Variants in ZNF292 observed in about 807,000 individuals in gnomAD.
ZNF292 encodes zinc finger protein 292.
A neutral mutation model predicts 217.9 loss-of-function variants in ZNF292; 26 were observed. The observed-to-expected ratio is 0.12, with a 90% CI of 0.09 to 0.17. The LOEUF (loss-of-function observed/expected upper bound fraction) is 0.17. ZNF292 is among the 10% of genes least tolerant of loss of function. The pLI is 1.00. For synonymous variants in ZNF292, 1,257 were observed against 1,124.1 expected, an observed-to-expected ratio of 1.12 and a Z score of -2.37; for missense variants, 2,904 against 3,175.2, an observed-to-expected ratio of 0.91 and a Z score of 2.05.
Position 87,261,125 on chromosome 6 carries a change from G to C in ZNF292, c.7496G>C (p.Ser2499Thr), listed in dbSNP as rs745862873. Residue 2499 changes from serine to threonine, a missense_variant, in exon 8 of 8, where the codon AGT becomes ACT. This residue lies in a region of ZNF292 where 380 missense variants were observed against 355.3 expected (regional missense o/e 1.07). Coordinates refer to ENST00000369577, the MANE Select transcript of ZNF292 (RefSeq NM_015021.3). The part of the protein sequence containing the change: ...ITKLINEDST[S>T]VETQANTSSN... ...AAATTAATAAATGAAGATAGCACAA[G>C]TGTAGAGACCCAAGCTAATACTTCT... The C allele has an allele frequency of 1.2e-6, 2 of 1,612,780 alleles. No individual in the cohort carries two copies. Among genetic ancestry groups the C allele is most frequent in the Admixed American group, 1.7e-5 (1 of 59,844 alleles).
At chr6:87,191,286 T>TA (rs11311792) in intron 1 of ZNF292, among the ~76,000 whole-genome samples, 12 of 150,838 alleles carry the variant, frequency 8.0e-5, no homozygotes, top group East Asian at 7.8e-4. Context: ...CTGATGAGCT[T>TA]AAAAAAAAAA....
chr6:87,246,077 A>G (rs1030080877), intron 7 of ZNF292, among the ~76,000 whole-genome samples: 1 of 152,150 alleles, frequency 6.6e-6, no homozygotes, highest in Non-Finnish European at 1.5e-5. Flanking sequence ...CTAAAAATAC[A>G]AAAATTAGCC....
chr6:87,229,296 G>A (rs1428841666), intron 4 of ZNF292, among the ~76,000 whole-genome samples: 2 of 152,044 alleles, frequency 1.3e-5, no homozygotes. Flanking sequence ...TTTATTAGTT[G>A]CAGTAGTTTT....
chr6:87,243,603 C>A lies in ZNF292; in HGVS notation c.870C>A (p.Tyr290Ter), dbSNP rs867732475. Residue 290 changes from tyrosine to a stop codon, truncating the protein, a stop_gained, in exon 6 of 8, where the codon TAC (tyrosine) becomes TAA (stop). Coordinates refer to ENST00000369577, the MANE Select transcript of ZNF292 (RefSeq NM_015021.3). LOFTEE classifies it high-confidence loss of function. ...GTCAGCTCCAACAAGGAGATATGTA[C>A]TGCGCTTGGTGAGTTGATCTTTTTT... ...LSRQLQQGDM[Y>*]CAWELTLFWS... 1.3e-6 allele frequency: 2 copies of A among 1,501,462 alleles called. No homozygotes were observed. The highest frequency in any genetic ancestry group is 2.7e-5 in the South Asian group (2 of 72,918). 93.0% of individuals were successfully genotyped at this position (1,501,462 alleles called of 1,614,324 possible).
chr6:87,214,959 T>C (rs1476543324), intron 1 of ZNF292: 1 of 146,392 alleles, frequency 6.8e-6, no homozygotes, highest in Non-Finnish European at 1.5e-5. Context: ...ATACAGGCCC[T>C]CAGGAAATTT....
At position 87,255,210 on chromosome 6, in the gene ZNF292, G is replaced by A. The variant is rs756149334; in HGVS notation, c.1581G>A (p.Arg527=). ...KKREIKQLRE[R]GFISARFRNW... ...GAGAGATAAAACAGTTAAGAGAGAG[G>A]GGATTTATATCTGCTCGGTTTAGGA... is the stretch of plus-strand genomic sequence containing the variant. The change falls in exon 8 of 8, where the codon AGG becomes AGA. Residue 527 remains arginine, a synonymous_variant. Coordinates refer to ENST00000369577, the MANE Select transcript of ZNF292 (RefSeq NM_015021.3). The A allele has an allele frequency of 3.7e-6, 6 of 1,613,780 alleles. No homozygotes were observed. The highest frequency in any genetic ancestry group is 5.1e-6 in the Non-Finnish European group (6 of 1,179,832).
chr6:87,232,072 T>G (rs1773684138), intron 4 of ZNF292, among the ~76,000 whole-genome samples: 1 of 152,246 alleles, frequency 6.6e-6, no homozygotes, highest in African/African-American at 2.4e-5. Flanking sequence ...ATATGCTTTA[T>G]TTATCTGTGC....
chr6:87,254,116 A>G (rs533631450), intron 7 of ZNF292, among the ~76,000 whole-genome samples: 1 of 152,166 alleles, frequency 6.6e-6, no homozygotes, highest in Non-Finnish European at 1.5e-5. Context: ...GAAGCAAACT[A>G]TTTCTTTCAG....
intron 1 of ZNF292, among the ~76,000 whole-genome samples, chr6:87,195,294 A>G (rs571475534): frequency 3.9e-5 from 6 of 152,368 alleles, no homozygotes; most frequent in Admixed American, 1.3e-4. Flanking sequence ...ACAGAAAAGT[A>G]TATTAGTAGA....
intron 1 of ZNF292, among the ~76,000 whole-genome samples, chr6:87,182,446 C>G (rs1372018758): frequency 6.6e-6 from 1 of 151,986 alleles, no homozygotes; most frequent in African/African-American, 2.4e-5. Flanking sequence ...AAAAATTTCC[C>G]CAAGTAGGAG....
intron 1 of ZNF292, among the ~76,000 whole-genome samples, chr6:87,214,481 G>A (rs1772643125): frequency 6.6e-6 from 1 of 152,122 alleles, no homozygotes; most frequent in African/African-American, 2.4e-5. Flanking sequence ...GAGCAAATTT[G>A]TTTCAGGGTT....
At chr6:87,192,594 A>T (rs934546463) in intron 1 of ZNF292, among the ~76,000 whole-genome samples, 1 of 152,192 alleles carries the variant, frequency 6.6e-6, no homozygotes, top group Non-Finnish European at 1.5e-5. Context: ...GTAATTTTTT[A>T]AAGATCCTGT....
Position 87,259,125 on chromosome 6 carries a change from TAAG to T in ZNF292, c.5497_5499del (p.Lys1833del), listed in dbSNP as rs1320038179. On this transcript the variant is annotated inframe_deletion, in exon 8 of 8. Transcript: ENST00000369577. ...ACATTCCTCAGTCTGAAGTATCACA[TAAG>T]GAGGATCAAATACAGGAAATTTTAG... The T allele has an allele frequency of 5.0e-6, 8 of 1,613,362 alleles. No individual in the cohort carries two copies. The highest frequency in any genetic ancestry group is 2.2e-5 in the East Asian group (1 of 44,852).
At chr6:87,191,157 T>C (rs1771810023) in intron 1 of ZNF292, among the ~76,000 whole-genome samples, 3 of 152,202 alleles carry the variant, frequency 2.0e-5, no homozygotes, top group Admixed American at 2.0e-4. Context: ...ATGTAATGTT[T>C]CATAGTATGG....
chr6:87,184,470 CTTTTTTTTTTTT>C (rs35294887), intron 1 of ZNF292, among the ~76,000 whole-genome samples: 1 of 115,114 alleles, frequency 8.7e-6, no homozygotes, highest in African/African-American at 3.4e-5. Flanking sequence ...TTACCATAGG[CTTTTTTTTTTTT>C]TTTTTTTTGA....
chr6:87,169,839 G>A (rs1459579685), intron 1 of ZNF292: 1 of 272,482 alleles, frequency 3.7e-6, no homozygotes, highest in Non-Finnish European at 7.6e-6. Context: ...GTGGAGACAG[G>A]GTTTTGCCAT....
intron 1 of ZNF292, among the ~76,000 whole-genome samples, chr6:87,209,859 T>G (rs528262884): frequency 6.6e-6 from 1 of 152,330 alleles, no homozygotes; most frequent in African/African-American, 2.4e-5. Flanking sequence ...GGATCCTCAG[T>G]AATTTTTAAG....
chr6:87,254,522 G>A, intron 7 of ZNF292, 128 bp from the exon 8 acceptor site: 1 of 857,420 alleles, frequency 1.2e-6, no homozygotes, highest in South Asian at 1.8e-5. Flanking sequence ...GCTTTAGAAG[G>A]GGAATCCTTT....
intron 6 of ZNF292, 67 bp downstream of exon 6, chr6:87,243,678 T>G: frequency 3.8e-6 from 5 of 1,311,496 alleles, no homozygotes; most frequent in Non-Finnish European, 5.0e-6. Flanking sequence ...GCTGTGAGAA[T>G]TCATATAACT....
Sources: gnomAD v4.1 joint callset for allele counts (sites outside exome capture counted in the v4.1 genomes callset) on GRCh38, gnomAD v4.1.1 for gene constraint, gnomAD v4.1.1 regional missense constraint, MANE v1.5 for transcripts, NCBI Gene and HGNC (gene_info 2026-07-23, HGNC 2026-07-21) for gene names.